GRIK4: variants seen among roughly 807,000 people sequenced by gnomAD.
The protein encoded by GRIK4 is glutamate ionotropic receptor kainate type subunit 4.
A neutral mutation model predicts 104.9 loss-of-function variants in GRIK4; 40 were observed. The observed-to-expected ratio is 0.38, with a 90% CI of 0.30 to 0.50. The LOEUF is 0.50. Among genes scored for constraint, GRIK4 ranks in the 20% least tolerant of loss-of-function variants. The pLI, the probability that GRIK4 is intolerant of heterozygous loss-of-function variation, is 0.93. For missense variants in GRIK4, 1,047 were observed against 1,308.1 expected (o/e 0.80, Z 3.08); for synonymous variants, 485 against 524.9 (o/e 0.92, Z 1.04).
At chr11:120,912,504 A>T (rs926850675) in intron 13 of GRIK4, among the ~76,000 whole-genome samples, 2 of 152,210 alleles carry the variant, frequency 1.3e-5, no homozygotes, top group African/African-American at 2.4e-5. Flanking sequence ...GCCGCTTGAA[A>T]GGAAGTACAG....
chr11:120,740,117 G>A (rs1403147324), intron 3 of GRIK4, among the ~76,000 whole-genome samples: 1 of 152,232 alleles, frequency 6.6e-6, no homozygotes. Context: ...TTAATCAGAT[G>A]TTTGGCATCA....
chr11:120,518,632 T>A (rs150259261), intron 1 of GRIK4, among the ~76,000 whole-genome samples: 1,851 of 152,156 alleles, frequency 0.012, 45 homozygotes, highest in African/African-American at 0.043. Flanking sequence ...TAAAATTTTT[T>A]AAATATTTTG....
intron 3 of GRIK4, among the ~76,000 whole-genome samples, chr11:120,783,111 T>C (rs73578559): frequency 0.031 from 4,664 of 152,304 alleles, 185 homozygotes; most frequent in African/African-American, 0.085. Flanking sequence ...CTGAACTCCC[T>C]ACAATGCAGA....
At chr11:120,961,752 A>G (rs1380592114) in intron 17 of GRIK4, among the ~76,000 whole-genome samples, 1 of 152,258 alleles carries the variant, frequency 6.6e-6, no homozygotes, top group African/African-American at 2.4e-5. Context: ...TCTCTTGGAA[A>G]GCAGGTTTCC....
At chr11:120,833,969 C>T (rs1032828395) in intron 7 of GRIK4, among the ~76,000 whole-genome samples, 2 of 152,138 alleles carry the variant, frequency 1.3e-5, no homozygotes, top group African/African-American at 2.4e-5. Flanking sequence ...TTTATTTAAC[C>T]ATCACTTTAT....
rs1229746540 is a variant in GRIK4, at chr11:120,923,649, G to A, written c.1477-16698G>A. 4.6e-5 allele frequency among the ~76,000 whole-genome samples: 7 copies of A among 152,024 alleles called. No individual in the cohort carries two copies. The East Asian group carries it at 9.7e-4, about 21-fold the overall frequency. On this transcript the variant is annotated intron_variant, in intron 13 of 20. Coordinates refer to ENST00000527524, the MANE Select transcript of GRIK4 (RefSeq NM_014619.5). The stretch of plus-strand genomic sequence containing the variant: ...AGGATGGTCTCGATCTCCTGACCTC[G>A]TGATCCGCCCGGCTCGGCCTCCCAA...
intron 3 of GRIK4, among the ~76,000 whole-genome samples, chr11:120,710,298 C>T (rs967687437): frequency 1.3e-5 from 2 of 152,084 alleles, no homozygotes; most frequent in African/African-American, 4.8e-5. Flanking sequence ...TATAATTTGC[C>T]AGATGAGAAA....
intron 3 of GRIK4, among the ~76,000 whole-genome samples, chr11:120,678,727 G>A (rs1041372994): frequency 3.3e-5 from 5 of 151,774 alleles, no homozygotes; most frequent in Admixed American, 1.3e-4. Flanking sequence ...TCCACCCACC[G>A]GGTTCAAGCA....
intron 3 of GRIK4, among the ~76,000 whole-genome samples, chr11:120,719,340 G>T (rs755960025): frequency 4.6e-5 from 7 of 152,206 alleles, no homozygotes; most frequent in Non-Finnish European, 8.8e-5. Flanking sequence ...GGCAGTGTGT[G>T]TGAGGGGTTA....
At chr11:120,920,453 C>T (rs1344761936) in intron 13 of GRIK4, among the ~76,000 whole-genome samples, 1 of 152,122 alleles carries the variant, frequency 6.6e-6, no homozygotes, top group Non-Finnish European at 1.5e-5. Flanking sequence ...CCCCAGTCTT[C>T]CCTCTCCCAG....
chr11:120,901,066 T>G (rs761977414), intron 12 of GRIK4, among the ~76,000 whole-genome samples: 52 of 152,176 alleles, frequency 3.4e-4, no homozygotes, highest in Non-Finnish European at 7.3e-4. Flanking sequence ...TACTTCTTTC[T>G]CTGGAGCCGC....
At chr11:120,871,698 G>A (rs1230927110) in intron 9 of GRIK4, 1 of 456,264 alleles carries the variant, frequency 2.2e-6, no homozygotes, top group Non-Finnish European at 4.4e-6. Flanking sequence ...GTGGAGAGTG[G>A]GAAGGTGTTG....
In GRIK4 at chr11:120,535,240, A is replaced by AG. The variant is rs1947961342; in HGVS notation, c.-159+23355dup. Reference sequence around the variant, plus strand: ...TGGGTGGCAGATGGGGGTCCTGAGGAGGTGGGGGATCCAGGGAAGAACCTC... The same window carrying AG: ...TGGGTGGCAGATGGGGGTCCTGAGGAGGGTGGGGGATCCAGGGAAGAACCTC... On this transcript the variant is annotated intron_variant, in intron 1 of 20. Coordinates refer to ENST00000527524, the MANE Select transcript of GRIK4 (RefSeq NM_014619.5). Among the ~76,000 whole-genome samples, 5 of 132,436 alleles carry AG rather than the reference A, an allele frequency of 3.8e-5. No homozygotes were observed. In the South Asian group the frequency reaches 1.3e-3, roughly 36 times the overall value. The allele number at this position is 132,436 out of a possible 152,430, so 86.9% of individuals were successfully genotyped here.
intron 1 of GRIK4, among the ~76,000 whole-genome samples, chr11:120,531,523 G>C (rs1219276416): frequency 6.6e-6 from 1 of 152,166 alleles, no homozygotes; most frequent in East Asian, 1.9e-4. Flanking sequence ...CTGGTGCAGT[G>C]AGGGGTCTGC....
At position 120,939,982 on chromosome 11, in the gene GRIK4, GA is replaced by G. The variant is rs879576274; in HGVS notation, c.1477-351del. Among the ~76,000 whole-genome samples the G allele has an allele frequency of 6.4e-3, 844 of 130,934 alleles. 4 individuals carry two copies. Among genetic ancestry groups the G allele is most frequent in the African/African-American group, 0.019 (668 of 35,718 alleles). The allele number at this position is 130,934 out of a possible 152,430, so 85.9% of individuals were successfully genotyped here. A position where few individuals can be genotyped will look rare whatever the true frequency, so the allele number is the denominator to read the frequency against. ...GCGACAGAGGGAGACCCTGTATCCA[GA>G]AAAAAAAAAAAAAGTATTGAGAATG... is the stretch of plus-strand genomic sequence containing the variant. On this transcript the variant is annotated intron_variant, in intron 13 of 20. Coordinates refer to ENST00000527524, the MANE Select transcript of GRIK4 (RefSeq NM_014619.5). The surrounding 1 kb of genome is among the most constrained non-coding windows in gnomAD (Gnocchi z 5.6).
At chr11:120,712,255 G>A (rs964774463) in intron 3 of GRIK4, among the ~76,000 whole-genome samples, 2 of 152,168 alleles carry the variant, frequency 1.3e-5, no homozygotes, top group Non-Finnish European at 2.9e-5. Flanking sequence ...GTCCAGCCAT[G>A]CGGTGTGCTG....
rs61900874 is a variant in GRIK4, at chr11:120,524,812, C to T, written c.-159+12925C>T. Among the ~76,000 whole-genome samples, 11,866 of 152,178 alleles carry T rather than the reference C, an allele frequency of 0.078. 511 individuals carry two copies. The highest frequency in any genetic ancestry group is 0.099 in the Middle Eastern group (29 of 294). On this transcript the variant is annotated intron_variant, in intron 1 of 20. Transcript: ENST00000527524. This position sits in a 1 kb window ranked among gnomAD's most constrained non-coding sequence, Gnocchi z 4.5. ...ATTTATCATCACGCGGAGCTAGTTA[C>T]GTGGCAGGGCACTGGGCAGGTCAGG...
In GRIK4 at chr11:120,986,150, G is replaced by A. The variant is rs747933447; in HGVS notation, c.2761G>A (p.Val921Ile). The A allele has an allele frequency of 6.5e-7, 1 of 1,540,264 alleles. No individual in the cohort carries two copies. Among genetic ancestry groups the A allele is most frequent in the Non-Finnish European group, 8.7e-7 (1 of 1,152,364 alleles). ...GGCCCGCGGCTGCACGCACATCCGC[G>A]TCTGCCCCGAGTGCCGCCGCTTCCA... ...LVARGCTHIR[V>I]CPECRRFQGL... is the part of the protein sequence containing the mutation. The change falls in exon 21 of 21, where the codon GTC becomes ATC. Residue 921 changes from valine to isoleucine, a missense_variant. Val to Ile is a conservative substitution (Grantham distance 29). Around this residue, in one of 3 missense-constraint regions of GRIK4, gnomAD observed 160 missense variants for 140.9 expected, o/e 1.14. Coordinates refer to ENST00000527524, the MANE Select transcript of GRIK4 (RefSeq NM_014619.5).
At chr11:120,733,592 A>C (rs3133222) in intron 3 of GRIK4, among the ~76,000 whole-genome samples, 1 of 152,192 alleles carries the variant, frequency 6.6e-6, no homozygotes, top group Non-Finnish European at 1.5e-5. Context: ...ACTAACAAGC[A>C]AGAAGAAAAC....
Sources: allele counts gnomAD v4.1 joint callset (sites outside exome capture counted in the v4.1 genomes callset), GRCh38; gene constraint gnomAD v4.1.1; regional missense constraint gnomAD v4.1.1; non-coding constraint Gnocchi (gnomAD v3.1); transcripts MANE v1.5; gene names NCBI Gene and HGNC (gene_info 2026-07-23, HGNC 2026-07-21).